ACY3: variants seen among roughly 807,000 people sequenced by gnomAD.
ACY3 encodes the protein N-acyl-aromatic-L-amino acid amidohydrolase (carboxylate-forming).
A neutral mutation model predicts 24.6 loss-of-function variants in ACY3; 20 were observed. The observed-to-expected ratio is 0.81, with a 90% CI of 0.57 to 1.18. The LOEUF is 1.18. Among genes scored for constraint, ACY3 ranks in the 50% most tolerant of loss-of-function variants. The probability of loss-of-function intolerance (pLI) is 0.00; values close to 1 mark genes in which losing one functional copy is unlikely to be tolerated. For missense variants in ACY3, 423 were observed against 426.8 expected (o/e 0.99, Z 0.08); for synonymous variants, 174 against 188.4 (o/e 0.92, Z 0.62).
chr11:67,644,688 A>G (rs923670977), intron 7 of ACY3, 72 bp downstream of exon 7: 60 of 1,423,134 alleles, frequency 4.2e-5, no homozygotes, highest in Middle Eastern at 2.4e-4. Flanking sequence ...GTTTTCCTTG[A>G]CAATCCTCCT....
rs1565238535 is a variant in ACY3, at chr11:67,645,811, AGGCCTTG to A, written c.306_312del (p.Lys103ArgfsTer22). ...AGGACAAAGTCAAAGGCCTGGCCCG[AGGCCTTG>A]GGCCCCAGCAGCTGGTTCAGCTCTC... is the stretch of plus-strand genomic sequence containing the variant. On this transcript the variant is annotated frameshift_variant, in exon 4 of 8. Transcript: ENST00000255082. LOFTEE classifies it high-confidence loss of function. The A allele has an allele frequency of 1.2e-6, 2 of 1,613,788 alleles. No homozygotes were observed. Among genetic ancestry groups the A allele is most frequent in the Non-Finnish European group, 1.7e-6 (2 of 1,179,860 alleles).
chr11:67,649,903 TGTGTGCGTGC>T lies in ACY3; in HGVS notation c.-95+670_-95+679del, dbSNP rs564246516. Among the ~76,000 whole-genome samples, 1,316 of 151,944 alleles carry T rather than the reference TGTGTGCGTGC, an allele frequency of 8.7e-3. 20 individuals are homozygous for T. Among genetic ancestry groups the T allele is most frequent in the African/African-American group, 0.03 (1,238 of 41,338 alleles). ...GCATGTGTGCATGTGCTTGAGAGCG[TGTGTGCGTGC>T]ATGTGCGTGAGCATGTGTGCGTGTG... On this transcript the variant is annotated intron_variant, in intron 1 of 7. Coordinates refer to ENST00000255082, the MANE Select transcript of ACY3 (RefSeq NM_080658.2).
At position 67,645,282 on chromosome 11, in the gene ACY3, C is replaced by G. The variant is rs528679369; in HGVS notation, c.526+5G>C. ...CCGCCCACTTCTCAGAAGGCTGCGG[C>G]CCACCCAGTCCATTTTTGGCCACAG... On this transcript the variant is annotated splice_donor_5th_base_variant and intron_variant, in intron 5 of 7. Transcript: ENST00000255082. 1.2e-6 allele frequency: 2 copies of G among 1,613,370 alleles called. No homozygotes were observed. The highest frequency in any genetic ancestry group is 1.1e-5 in the South Asian group (1 of 91,042).
chr11:67,648,393 CAA>C (rs1855555928), intron 1 of ACY3, among the ~76,000 whole-genome samples: 1 of 152,190 alleles, frequency 6.6e-6, no homozygotes, highest in South Asian at 2.1e-4. Flanking sequence ...TGCTGCCTCT[CAA>C]GAGCAAAGTG....
chr11:67,643,851 T>C (rs1231078623), intron 7 of ACY3, among the ~76,000 whole-genome samples: 2 of 149,310 alleles, frequency 1.3e-5, no homozygotes, highest in African/African-American at 5.0e-5. Context: ...AAAAATTGGC[T>C]GGGTGTGGTG....
intron 7 of ACY3, among the ~76,000 whole-genome samples, chr11:67,643,619 A>G (rs755696300): frequency 5.3e-5 from 8 of 152,078 alleles, no homozygotes; most frequent in Non-Finnish European, 8.8e-5. Flanking sequence ...CGGAGGTTGC[A>G]GTAAGCCAAT....
intron 1 of ACY3, among the ~76,000 whole-genome samples, chr11:67,650,219 G>T (rs1188818809): frequency 6.6e-6 from 1 of 150,842 alleles, no homozygotes; most frequent in Non-Finnish European, 1.5e-5. Context: ...CCCAGAGAGG[G>T]GTCAGAGCTG....
At chr11:67,644,292 GA>G (rs1390334184) in intron 7 of ACY3, among the ~76,000 whole-genome samples, 5 of 152,192 alleles carry the variant, frequency 3.3e-5, no homozygotes, top group Admixed American at 2.6e-4. Flanking sequence ...GAAAGGTGTG[GA>G]AGCAGGATTG....
chr11:67,645,906 G>C lies in ACY3; in HGVS notation c.237-19C>G. 6.4e-7 allele frequency: 1 copy of C among 1,569,726 alleles called. No individual in the cohort carries two copies. The highest frequency in any genetic ancestry group is 1.4e-5 in the African/African-American group (1 of 73,458). ...CCTGGAACTGTGGAGACGGGAATGG[G>C]GGACACCGATCTTCACAGTCTCAGT... On this transcript the variant is annotated intron_variant, in intron 3 of 7. Coordinates refer to ENST00000255082, the MANE Select transcript of ACY3 (RefSeq NM_080658.2).
chr11:67,648,252 C>T (rs901711337), intron 1 of ACY3, among the ~76,000 whole-genome samples: 2 of 152,124 alleles, frequency 1.3e-5, no homozygotes, highest in African/African-American at 4.8e-5. Context: ...CTGCAGGTGG[C>T]CCACAGAACC....
rs112901367 is a variant in ACY3, at chr11:67,646,522, C to T, written c.236+286G>A. Among the ~76,000 whole-genome samples the T allele has an allele frequency of 3.8e-3, 572 of 152,322 alleles. 3 individuals are homozygous for T. The highest frequency in any genetic ancestry group is 0.013 in the African/African-American group (533 of 41,560). ...AGGCATGAACAGTGATCAGGGCACA[C>T]GACAAGTAAACATGGCCTGTGGGGC... On this transcript the variant is annotated intron_variant, in intron 3 of 7. Coordinates refer to ENST00000255082, the MANE Select transcript of ACY3 (RefSeq NM_080658.2).
chr11:67,645,788 G>A lies in ACY3; in HGVS notation c.336C>T (p.Val112=), dbSNP rs755697600. 2 of 1,614,042 alleles carry A rather than the reference G, an allele frequency of 1.2e-6. No individual in the cohort carries two copies. Among genetic ancestry groups the A allele is most frequent in the African/African-American group, 1.3e-5 (1 of 75,038 alleles). Residue 112 remains valine, a synonymous_variant, in exon 4 of 8, where the codon GTC becomes GTT. Transcript: ENST00000255082. The part of the protein sequence containing the change: ...PKASGQAFDF[V]LDLHNTTANM... ...TGGCCGTGGTGTTGTGCAGGTCAAG[G>A]ACAAAGTCAAAGGCCTGGCCCGAGG... is the stretch of plus-strand genomic sequence containing the variant.
At chr11:67,645,547 G>C (rs994290001) in intron 4 of ACY3, 145 bp downstream of exon 4, 2 of 1,236,030 alleles carry the variant, frequency 1.6e-6, no homozygotes, top group African/African-American at 3.0e-5. Flanking sequence ...GAGTGCTGGC[G>C]AGTGGCAGAC....
At chr11:67,645,527 C>T (rs540866202) in intron 4 of ACY3, 147 bp from the exon 5 acceptor site, 197 of 1,226,956 alleles carry the variant, frequency 1.6e-4, no homozygotes, top group Admixed American at 5.6e-4. Flanking sequence ...GAGGGGGTAC[C>T]GGGGGCCTGG....
chr11:67,649,080 C>G (rs1855568544), intron 1 of ACY3, among the ~76,000 whole-genome samples: 1 of 152,330 alleles, frequency 6.6e-6, no homozygotes, highest in African/African-American at 2.4e-5. Flanking sequence ...TGGACTGAAG[C>G]TCTAGGGGTT....
chr11:67,647,069 G>A lies in ACY3; in HGVS notation c.-20-6C>T. 1.4e-6 allele frequency: 2 copies of A among 1,479,234 alleles called. No individual in the cohort carries two copies. The highest frequency in any genetic ancestry group is 1.8e-6 in the Non-Finnish European group (2 of 1,113,318). The allele number at this position is 1,479,234 out of a possible 1,614,324, so 91.6% of individuals were successfully genotyped here. A position where few individuals can be genotyped will look rare whatever the true frequency, so the allele number is the denominator to read the frequency against. The stretch of plus-strand genomic sequence containing the variant: ...GCTGGTGTGGGGTGCAGAACCTGGG[G>A]GTGGGCATACTTAGGAGACCCTGGC... On this transcript the variant is annotated splice_region_variant and splice_polypyrimidine_tract_variant and intron_variant, in intron 2 of 7. Transcript: ENST00000255082.
chr11:67,644,901 C>A, intron 6 of ACY3, 32 bp from the exon 7 acceptor site: 1 of 1,606,124 alleles, frequency 6.2e-7, no homozygotes, highest in South Asian at 1.1e-5. Flanking sequence ...TGAGCCCATC[C>A]CTCCCTCCAG....
chr11:67,648,395 A>G (rs1378812294), intron 1 of ACY3, among the ~76,000 whole-genome samples: 2 of 152,174 alleles, frequency 1.3e-5, no homozygotes, highest in African/African-American at 4.8e-5. Flanking sequence ...CTGCCTCTCA[A>G]GAGCAAAGTG....
At position 67,645,387 on chromosome 11, in the gene ACY3, G is replaced by T. The variant is rs372847889; in HGVS notation, c.433-7C>A. On this transcript the variant is annotated splice_polypyrimidine_tract_variant and splice_region_variant and intron_variant, in intron 4 of 7. Transcript: ENST00000255082. Reference sequence around the variant, plus strand: ...ACAGCTCGGGGTACTGCAGCTGGGGGCGAGAGAGGCAGGTTAGGGGCCCAG... The same window carrying T: ...ACAGCTCGGGGTACTGCAGCTGGGGTCGAGAGAGGCAGGTTAGGGGCCCAG... 83 of 1,612,532 alleles carry T rather than the reference G, an allele frequency of 5.1e-5. No individual in the cohort carries two copies. In the South Asian group the frequency reaches 7.9e-4, roughly 15 times the overall value.
Sources: gnomAD v4.1 joint callset for allele counts (sites outside exome capture counted in the v4.1 genomes callset) on GRCh38, gnomAD v4.1.1 for gene constraint, MANE v1.5 for transcripts, NCBI Gene and HGNC (gene_info 2026-07-23, HGNC 2026-07-21) for gene names.